The following CAMTA1 variants were observed in gnomAD, a reference collection of about 807,000 sequenced individuals.
The protein encoded by CAMTA1 is calmodulin binding transcription activator 1, also known as calmodulin-binding transcription activator 1.
In CAMTA1, 27 loss-of-function variants were observed where a neutral mutation model predicts 170.9. The ratio of observed to expected loss-of-function variants is 0.16; its 90% CI spans 0.12 to 0.22. CAMTA1 has a LOEUF of 0.22. Among genes scored for constraint, CAMTA1 ranks in the 10% least tolerant of loss-of-function variants. The pLI is 1.00. For synonymous variants in CAMTA1, 833 were observed against 891.5 expected (o/e 0.93, Z 1.17); for missense variants, 1,619 against 2,217.2 (o/e 0.73, Z 5.42).
chr1:7,592,868 C>G lies in CAMTA1; in HGVS notation c.511-47532C>G, dbSNP rs2095365910. Among the ~76,000 whole-genome samples the G allele has an allele frequency of 6.6e-6, 1 of 152,168 alleles. No homozygotes were observed. The highest frequency in any genetic ancestry group is 2.1e-4 in the South Asian group (1 of 4,826). ...CATGTGTTAAACATTAGGGCGGGAT[C>G]AGGCATCATGACCTCATGAAATGCA... is the stretch of plus-strand genomic sequence containing the variant. On this transcript the variant is annotated intron_variant, in intron 6 of 22. Transcript: ENST00000303635. This position sits in a 1 kb window ranked among gnomAD's most constrained non-coding sequence, Gnocchi z 4.6.
At chr1:7,036,579 G>T (rs988915295) in intron 3 of CAMTA1, among the ~76,000 whole-genome samples, 1 of 152,220 alleles carries the variant, frequency 6.6e-6, no homozygotes, top group Non-Finnish European at 1.5e-5. Flanking sequence ...CAGTGAGTCA[G>T]TTATGAAGTC....
chr1:7,318,400 A>G (rs1051470548), intron 5 of CAMTA1, among the ~76,000 whole-genome samples: 2 of 152,194 alleles, frequency 1.3e-5, no homozygotes, highest in African/African-American at 4.8e-5. Flanking sequence ...GCACTGGACA[A>G]CTTAACAGGG....
At position 6,887,078 on chromosome 1, in the gene CAMTA1, G is replaced by T. The variant is rs1343925223; in HGVS notation, c.234+61868G>T. Among the ~76,000 whole-genome samples, 1 of 152,188 alleles carries T rather than the reference G, an allele frequency of 6.6e-6. No homozygotes were observed. Among genetic ancestry groups the T allele is most frequent in the Non-Finnish European group, 1.5e-5 (1 of 68,028 alleles). ...GTGCTTAAGCAGAGAGTCTCTAGCA[G>T]GGAGCCTCTGCAAGCATTGTGTTCT... On this transcript the variant is annotated intron_variant, in intron 3 of 22. Transcript: ENST00000303635. The surrounding 1 kb of genome is among the most constrained non-coding windows in gnomAD (Gnocchi z 4.1).
At chr1:7,440,265 T>A (rs2092481317) in intron 5 of CAMTA1, among the ~76,000 whole-genome samples, 2 of 152,274 alleles carry the variant, frequency 1.3e-5, no homozygotes, top group African/African-American at 4.8e-5. Context: ...ACTCCGCAGC[T>A]GCCTCCTGAC....
chr1:6,926,574 C>T (rs1683299476), intron 3 of CAMTA1, among the ~76,000 whole-genome samples: 1 of 131,740 alleles, frequency 7.6e-6, no homozygotes, highest in Non-Finnish European at 1.6e-5. Context: ...CTCTCTCTCT[C>T]CTTCTCTCTC....
rs975600032 is a variant in CAMTA1 at position 7,561,625 on chromosome 1, G to A, written c.511-78775G>A. 9.2e-5 allele frequency among the ~76,000 whole-genome samples: 14 copies of A among 152,054 alleles called. No individual in the cohort carries two copies. Among genetic ancestry groups the A allele is most frequent in the African/African-American group, 3.4e-4 (14 of 41,412 alleles). On this transcript the variant is annotated intron_variant, in intron 6 of 22. Coordinates refer to ENST00000303635, the MANE Select transcript of CAMTA1 (RefSeq NM_015215.4). This position sits in a 1 kb window ranked among gnomAD's most constrained non-coding sequence, Gnocchi z 5.3. ...TTGCGCAGCACCCTCTGCAGGCAGAGCTGGTTACATGCAGCAGTGGCACAG... is the reference window on the plus strand; with the variant it reads ...TTGCGCAGCACCCTCTGCAGGCAGAACTGGTTACATGCAGCAGTGGCACAG...
intron 5 of CAMTA1, among the ~76,000 whole-genome samples, chr1:7,434,820 C>T (rs538776173): frequency 6.7e-6 from 1 of 149,822 alleles, no homozygotes; most frequent in Admixed American, 6.7e-5. Flanking sequence ...GCAGGCTGAT[C>T]GCTTAAGCTC....
At chr1:7,013,964 C>T (rs1557972167) in intron 3 of CAMTA1, among the ~76,000 whole-genome samples, 1 of 152,252 alleles carries the variant, frequency 6.6e-6, no homozygotes, top group African/African-American at 2.4e-5. Flanking sequence ...GGACCTGCTG[C>T]CAGAGGCAAG....
intron 3 of CAMTA1, among the ~76,000 whole-genome samples, chr1:6,873,476 C>T (rs937614855): frequency 5.3e-5 from 8 of 152,150 alleles, no homozygotes; most frequent in South Asian, 2.1e-4. Context: ...AGCCCCAAAC[C>T]GGCTGACCCC....
intron 5 of CAMTA1, among the ~76,000 whole-genome samples, chr1:7,297,293 C>A (rs756786138): frequency 1.5e-4 from 23 of 152,144 alleles, no homozygotes; most frequent in Non-Finnish European, 2.8e-4. Flanking sequence ...ACTGGCAGAT[C>A]CTCTTGGTCT....
rs1440575813 is a variant in CAMTA1 at position 7,010,379 on chromosome 1, C to A, written c.235-80925C>A. On this transcript the variant is annotated intron_variant, in intron 3 of 22. Coordinates refer to ENST00000303635, the MANE Select transcript of CAMTA1 (RefSeq NM_015215.4). The surrounding 1 kb of genome is among the most constrained non-coding windows in gnomAD (Gnocchi z 4.4). Reference sequence around the variant, plus strand: ...TCAGCTGTGCTCAGTGACTTTGGGCCACGGGCTGTGGCGTCACATCCTCCA... The same window carrying A: ...TCAGCTGTGCTCAGTGACTTTGGGCAACGGGCTGTGGCGTCACATCCTCCA... Among the ~76,000 whole-genome samples the A allele has an allele frequency of 1.3e-5, 2 of 152,200 alleles. No homozygotes were observed. The highest frequency in any genetic ancestry group is 6.5e-5 in the Admixed American group (1 of 15,290).
chr1:7,621,512 G>A (rs2095598130), intron 6 of CAMTA1, among the ~76,000 whole-genome samples: 1 of 152,206 alleles, frequency 6.6e-6, no homozygotes, highest in Admixed American at 6.5e-5. Flanking sequence ...CAAATTCCTG[G>A]AAGCCCTGGT....
At chr1:7,505,385 T>C (rs2094087390) in intron 6 of CAMTA1, among the ~76,000 whole-genome samples, 1 of 152,082 alleles carries the variant, frequency 6.6e-6, no homozygotes. Context: ...CGTGGGCGTC[T>C]AGTGCAAAAG....
intron 1 of CAMTA1, among the ~76,000 whole-genome samples, chr1:6,801,628 A>G (rs939152119): frequency 6.6e-6 from 1 of 152,226 alleles, no homozygotes; most frequent in African/African-American, 2.4e-5. Context: ...TATGCTCAAA[A>G]AGGGTTAAAG....
chr1:7,707,500 T>G (rs2096535900), intron 11 of CAMTA1, among the ~76,000 whole-genome samples: 2 of 152,000 alleles, frequency 1.3e-5, no homozygotes, highest in Non-Finnish European at 2.9e-5. Flanking sequence ...CTCAGTCTCC[T>G]GGGTAGCTGG....
intron 5 of CAMTA1, among the ~76,000 whole-genome samples, chr1:7,349,105 C>T (rs569797818): frequency 3.3e-5 from 5 of 152,266 alleles, no homozygotes; most frequent in South Asian, 2.1e-4. Flanking sequence ...ACGGCAAATC[C>T]GAGCTGTGAT....
chr1:7,397,244 C>T (rs1354179316), intron 5 of CAMTA1, among the ~76,000 whole-genome samples: 1 of 152,070 alleles, frequency 6.6e-6, no homozygotes, highest in Non-Finnish European at 1.5e-5. Context: ...AGAAATTTTT[C>T]CATTTCCTCT....
At chr1:7,709,424 G>A (rs2096552423) in intron 11 of CAMTA1, among the ~76,000 whole-genome samples, 1 of 151,326 alleles carries the variant, frequency 6.6e-6, no homozygotes. Flanking sequence ...CTTGTTTGTT[G>A]GTCATTTAGG....
At chr1:7,013,042 CCT>C (rs36125640) in intron 3 of CAMTA1, among the ~76,000 whole-genome samples, 41,254 of 151,412 alleles carry the variant, frequency 0.27, 5,692 homozygotes, top group African/African-American at 0.31. Context: ...CCCTGAGTCC[CCT>C]CTCTCGTCTC....
Sources: allele counts gnomAD v4.1 joint callset (sites outside exome capture counted in the v4.1 genomes callset), GRCh38; gene constraint gnomAD v4.1.1; non-coding constraint Gnocchi (gnomAD v3.1); transcripts MANE v1.5; gene names NCBI Gene and HGNC (gene_info 2026-07-23, HGNC 2026-07-21).